The following SH2B3 variants were observed in gnomAD, a reference collection of about 807,000 sequenced individuals.
SH2B3 encodes the protein SH2B adapter protein 3.
Under a neutral mutation model 51.9 loss-of-function variants are expected in SH2B3, and 43 were observed. The ratio of observed to expected loss-of-function variants is 0.83; its 90% CI spans 0.65 to 1.07. The LOEUF (loss-of-function observed/expected upper bound fraction) is 1.07, where lower values mean the gene tolerates loss of function less well. SH2B3 is among the 50% of genes least tolerant of loss of function. The pLI is 0.00. For synonymous variants in SH2B3, 396 were observed against 376.0 expected, an observed-to-expected ratio of 1.05 and a Z score of -0.62; for missense variants, 952 against 834.3, an observed-to-expected ratio of 1.14 and a Z score of -1.74.
chr12:111,428,421 C>T (rs985273668), intron 2 of SH2B3, among the ~76,000 whole-genome samples: 4 of 152,220 alleles, frequency 2.6e-5, no homozygotes, highest in Admixed American at 2.6e-4. Flanking sequence ...CACTCATCCC[C>T]TTTCGAGCCA....
Position 111,409,984 on chromosome 12 carries a change from AGGGCCG to A in SH2B3, c.-28+3710_-28+3715del, listed in dbSNP as rs1178469334. Among the ~76,000 whole-genome samples the A allele has an allele frequency of 7.9e-5, 12 of 152,336 alleles. No homozygotes were observed. Among genetic ancestry groups the A allele is most frequent in the African/African-American group, 2.9e-4 (12 of 41,582 alleles). On this transcript the variant is annotated intron_variant, in intron 1 of 7. Transcript: ENST00000341259. This position sits in a 1 kb window ranked among gnomAD's most constrained non-coding sequence, Gnocchi z 4.0. ...GCCACCCTGTCAGGGGTCGGCCAGC[AGGGCCG>A]GGCCACAGGCTTCCTTGTGAGCCAG...
At position 111,447,504 on chromosome 12, in the gene SH2B3, G is replaced by A. The variant is rs903970158; in HGVS notation, c.1196G>A (p.Gly399Glu). 6.4e-7 allele frequency: 1 copy of A among 1,553,742 alleles called. No homozygotes were observed. The highest frequency in any genetic ancestry group is 1.3e-5 in the African/African-American group (1 of 74,166). The change falls in exon 6 of 8, where the codon GGG becomes GAG. Residue 399 changes from glycine (G) to glutamate (E), a missense_variant. Gly to Glu is a moderately conservative substitution (Grantham distance 98). Transcript: ENST00000341259. Reference sequence around the variant, plus strand: ...GTGCGGCAGAGCGAGACGCGGCGTGGGGAATACGTGCTCACTTTCAACTTT... The same window carrying A: ...GTGCGGCAGAGCGAGACGCGGCGTGAGGAATACGTGCTCACTTTCAACTTT... The part of the protein sequence containing the change: ...FLVRQSETRR[G>E]EYVLTFNFQG...
At chr12:111,417,998 A>G (rs1034547695) in intron 1 of SH2B3, 121 bp from the exon 2 acceptor site, 52 of 709,778 alleles carry the variant, frequency 7.3e-5, no homozygotes, top group Non-Finnish European at 1.0e-4. Context: ...CTGCATCTTC[A>G]CCAGCACTGG....
intron 2 of SH2B3, among the ~76,000 whole-genome samples, chr12:111,441,358 C>CT (rs1873391870): frequency 7.4e-6 from 1 of 134,740 alleles, no homozygotes; most frequent in African/African-American, 2.8e-5. Flanking sequence ...GACCCTATCT[C>CT]TTAAAAAAAA....
intron 1 of SH2B3, among the ~76,000 whole-genome samples, chr12:111,416,622 T>C (rs1207703185): frequency 6.6e-6 from 1 of 152,080 alleles, no homozygotes; most frequent in Non-Finnish European, 1.5e-5. Context: ...GCCTCCCAAG[T>C]AGCTGGGACT....
intron 1 of SH2B3, among the ~76,000 whole-genome samples, chr12:111,411,628 G>A (rs1284025223): frequency 1.3e-5 from 2 of 152,160 alleles, no homozygotes; most frequent in Non-Finnish European, 2.9e-5. Flanking sequence ...GCCTGGGGCT[G>A]GCTGTGCTTC....
rs1874113046 is a variant in SH2B3, at chr12:111,447,470, G to A, written c.1162G>A (p.Val388Met). Residue 388 changes from valine (V) to methionine (M), a missense_variant, in exon 6 of 8, where the codon GTG becomes ATG. Transcript: ENST00000341259. Reference sequence around the variant, plus strand: ...GCTGCAGGGCCCTGATGCTCATGGAGTGTTCCTGGTGCGGCAGAGCGAGAC... The same window carrying A: ...GCTGCAGGGCCCTGATGCTCATGGAATGTTCCTGGTGCGGCAGAGCGAGAC... ...VQLQGPDAHGVFLVRQSETRR... is the reference protein window; with the variant it reads ...VQLQGPDAHGMFLVRQSETRR... 2 of 1,611,376 alleles carry A rather than the reference G, an allele frequency of 1.2e-6. No individual in the cohort carries two copies. Among genetic ancestry groups the A allele is most frequent in the Non-Finnish European group, 1.7e-6 (2 of 1,179,598 alleles).
rs1330814147 is a variant in SH2B3 at position 111,438,979 on chromosome 12, T to A, written c.733-7774T>A. 6.6e-6 allele frequency among the ~76,000 whole-genome samples: 1 copy of A among 152,138 alleles called. No homozygotes were observed. The highest frequency in any genetic ancestry group is 1.9e-4 in the East Asian group (1 of 5,188). On this transcript the variant is annotated intron_variant, in intron 2 of 7. Transcript: ENST00000341259. This position sits in a 1 kb window ranked among gnomAD's most constrained non-coding sequence, Gnocchi z 4.2. ...AGGGGAGTTTTTGTTTTTGTTTGTTTGTTTGTTTGAGACAGTCTTGCTCTG... is the reference window on the plus strand; with the variant it reads ...AGGGGAGTTTTTGTTTTTGTTTGTTAGTTTGTTTGAGACAGTCTTGCTCTG...
In SH2B3 at chr12:111,405,937, G is replaced by A. The variant is rs1426995548; in HGVS notation, c.-368G>A. The A allele has an allele frequency of 1.3e-5, 2 of 151,844 alleles. No individual in the cohort carries two copies. 9.4% of individuals were successfully genotyped at this position (151,844 alleles called of 1,614,324 possible). A position where few individuals can be genotyped will look rare whatever the true frequency, so the allele number is the denominator to read the frequency against. On this transcript the variant is annotated 5_prime_UTR_variant, in exon 1 of 8. Coordinates refer to ENST00000341259, the MANE Select transcript of SH2B3 (RefSeq NM_005475.3). The surrounding 1 kb of genome is among the most constrained non-coding windows in gnomAD (Gnocchi z 5.4). ...GGTTCCTCTTTACATAACGGCGCGGGGCGGCATGGGCCCGGGCCACCGCCT... is the reference window on the plus strand; with the variant it reads ...GGTTCCTCTTTACATAACGGCGCGGAGCGGCATGGGCCCGGGCCACCGCCT...
rs772668614 is a variant in SH2B3, at chr12:111,448,194, G to A, written c.1620G>A (p.Gln540=). 19 of 1,614,144 alleles carry A rather than the reference G, an allele frequency of 1.2e-5. No homozygotes were observed. The East Asian group carries it at 4.2e-4, about 36-fold the overall frequency. ...CCGAAGAACTGGCCAACAGCCTGCA[G>A]CACCTGGAGCATGAGCCTGTGAATC... is the stretch of plus-strand genomic sequence containing the variant. ...PSPEELANSL[Q]HLEHEPVNRA... The change falls in exon 8 of 8, where the codon CAG becomes CAA. Residue 540 remains glutamine, a synonymous_variant. Transcript: ENST00000341259.
chr12:111,427,509 G>T (rs1462987870), intron 2 of SH2B3, among the ~76,000 whole-genome samples: 1 of 152,202 alleles, frequency 6.6e-6, no homozygotes, highest in African/African-American at 2.4e-5. Context: ...CTGACGGGGA[G>T]GCGACAGCAG....
intron 2 of SH2B3, chr12:111,443,988 C>G (rs533830118): frequency 6.6e-6 from 1 of 152,292 alleles, no homozygotes; most frequent in Non-Finnish European, 1.5e-5. Flanking sequence ...GTCAGAAGTT[C>G]GAGACCAACC....
In SH2B3 at chr12:111,435,345, C is replaced by T. The variant is rs1593061140; in HGVS notation, c.733-11408C>T. ...TCGGTGATCGTCACAGATGCGGGGC[C>T]TGGCTACAGTCCTCACTGGTGTTTT... is the stretch of plus-strand genomic sequence containing the variant. On this transcript the variant is annotated intron_variant, in intron 2 of 7. Coordinates refer to ENST00000341259, the MANE Select transcript of SH2B3 (RefSeq NM_005475.3). The surrounding 1 kb of genome is among the most constrained non-coding windows in gnomAD (Gnocchi z 4.8). 6.6e-6 allele frequency among the ~76,000 whole-genome samples: 1 copy of T among 152,306 alleles called. No homozygotes were observed. Among genetic ancestry groups the T allele is most frequent in the East Asian group, 1.9e-4 (1 of 5,176 alleles).
At chr12:111,431,322 C>G (rs1459256010) in intron 2 of SH2B3, among the ~76,000 whole-genome samples, 1 of 152,184 alleles carries the variant, frequency 6.6e-6, no homozygotes, top group Admixed American at 6.5e-5. Context: ...AGAGAGAAAC[C>G]TCTCTCTAGG....
chr12:111,432,360 T>G (rs1172082383), intron 2 of SH2B3, among the ~76,000 whole-genome samples: 1 of 152,136 alleles, frequency 6.6e-6, no homozygotes, highest in Non-Finnish European at 1.5e-5. Context: ...TTAACTTTTT[T>G]GCTGGTATAG....
chr12:111,426,853 A>G (rs1011181581), intron 2 of SH2B3, among the ~76,000 whole-genome samples: 12 of 152,056 alleles, frequency 7.9e-5, no homozygotes, highest in African/African-American at 2.9e-4. Context: ...CATGAAGTGA[A>G]GGGGATCTGA....
At chr12:111,445,116 C>T (rs947655140) in intron 2 of SH2B3, among the ~76,000 whole-genome samples, 2 of 152,146 alleles carry the variant, frequency 1.3e-5, no homozygotes, top group African/African-American at 4.8e-5. Context: ...AGAGTGAAAC[C>T]GGCAGCTCTG....
chr12:111,429,748 A>G lies in SH2B3; in HGVS notation c.732+10871A>G, dbSNP rs1275073435. Among the ~76,000 whole-genome samples, 7 of 152,210 alleles carry G rather than the reference A, an allele frequency of 4.6e-5. No homozygotes were observed. Among genetic ancestry groups the G allele is most frequent in the Admixed American group, 4.6e-4 (7 of 15,278 alleles). On this transcript the variant is annotated intron_variant, in intron 2 of 7. Transcript: ENST00000341259. The surrounding 1 kb of genome is among the most constrained non-coding windows in gnomAD (Gnocchi z 4.4). ...GATGAAGCCATTTCACAGCCAAGAA[A>G]ACTAGGCACAGAGAGGTCCAGAAAC...
In SH2B3 at chr12:111,407,304, C is replaced by T. The variant is rs1253930412; in HGVS notation, c.-28+1027C>T. 1.3e-5 allele frequency among the ~76,000 whole-genome samples: 2 copies of T among 152,070 alleles called. No homozygotes were observed. The highest frequency in any genetic ancestry group is 2.9e-5 in the Non-Finnish European group (2 of 68,014). Reference sequence around the variant, plus strand: ...TGGTGGGGGGTTCAGAGCAGAGGCCCCGGCAAGGCAATGTCGGCAAGGCCA... The same window carrying T: ...TGGTGGGGGGTTCAGAGCAGAGGCCTCGGCAAGGCAATGTCGGCAAGGCCA... On this transcript the variant is annotated intron_variant, in intron 1 of 7. Coordinates refer to ENST00000341259, the MANE Select transcript of SH2B3 (RefSeq NM_005475.3). The surrounding 1 kb of genome is among the most constrained non-coding windows in gnomAD (Gnocchi z 4.3).
Sources: allele counts gnomAD v4.1 joint callset (sites outside exome capture counted in the v4.1 genomes callset), GRCh38; gene constraint gnomAD v4.1.1; non-coding constraint Gnocchi (gnomAD v3.1); transcripts MANE v1.5; gene names NCBI Gene and HGNC (gene_info 2026-07-23, HGNC 2026-07-21).